Variants in NUCKS1 observed in about 807,000 individuals in gnomAD.
The protein encoded by NUCKS1 is nuclear ubiquitous casein and cyclin-dependent kinase substrate 1.
In NUCKS1, 2 loss-of-function variants were observed where a neutral mutation model predicts 33.0. The observed-to-expected ratio is 0.06, with a 90% CI of 0.02 to 0.19. The LOEUF is 0.19. NUCKS1 is among the 10% of genes least tolerant of loss of function. The probability of loss-of-function intolerance (pLI) is 1.00; values close to 1 mark genes in which losing one functional copy is unlikely to be tolerated. For missense variants in NUCKS1, 201 were observed against 293.6 expected (o/e 0.68, Z 2.31); for synonymous variants, 106 against 102.8 (o/e 1.03, Z -0.19).
Position 205,718,484 on chromosome 1 carries a change from A to T in NUCKS1, c.533-5T>A, listed in dbSNP as rs1323630929. The T allele has an allele frequency of 6.2e-7, 1 of 1,606,724 alleles. No homozygotes were observed. The highest frequency in any genetic ancestry group is 8.5e-7 in the Non-Finnish European group (1 of 1,178,284). On this transcript the variant is annotated splice_region_variant and splice_polypyrimidine_tract_variant and intron_variant, in intron 6 of 6. Coordinates refer to ENST00000367142, the MANE Select transcript of NUCKS1 (RefSeq NM_022731.5). ...CTTTCACTGGACTTGGCGTCACTGA[A>T]AATAGAAAAATAATTTGGGGAAGGG...
At chr1:205,746,642 GGA>G in intron 1 of NUCKS1, among the ~76,000 whole-genome samples, 1 of 152,194 alleles carries the variant, frequency 6.6e-6, no homozygotes, top group South Asian at 2.1e-4. Context: ...TTGTTTTGGG[GGA>G]GAGAATATTT....
chr1:205,735,240 T>C (rs1433728509), intron 1 of NUCKS1, among the ~76,000 whole-genome samples: 1 of 152,248 alleles, frequency 6.6e-6, no homozygotes, highest in Non-Finnish European at 1.5e-5. Flanking sequence ...ACTGTACTTT[T>C]TCTATGTTTA....
In NUCKS1 at chr1:205,713,251, A is replaced by C. The variant is rs1412271497; in HGVS notation, c.*5029T>G. ...TAAACAAAACAAAAAAAAAGTTTACAAAAGAAAAAAAGATACAGAAAAAGA... is the reference window on the plus strand; with the variant it reads ...TAAACAAAACAAAAAAAAAGTTTACCAAAGAAAAAAAGATACAGAAAAAGA... On this transcript the variant is annotated 3_prime_UTR_variant, in exon 7 of 7. Transcript: ENST00000367142. 6.6e-6 allele frequency: 1 copy of C among 152,144 alleles called. No homozygotes were observed. Among genetic ancestry groups the C allele is most frequent in the Non-Finnish European group, 1.5e-5 (1 of 68,034 alleles). 9.4% of individuals were successfully genotyped at this position (152,144 alleles called of 1,614,324 possible).
rs1654469181 is a variant in NUCKS1, at chr1:205,750,050, C to A, written c.-77G>T. On this transcript the variant is annotated 5_prime_UTR_variant, in exon 1 of 7. Transcript: ENST00000367142. ...CCACCCCGCGCGCTCGGCGCCCCAC[C>A]CCCCCCGAACTTCAGCCGATGGGAC... 5 of 1,256,316 alleles carry A rather than the reference C, an allele frequency of 4.0e-6. No homozygotes were observed. The highest frequency in any genetic ancestry group is 5.3e-6 in the Non-Finnish European group (5 of 947,718). The allele number at this position is 1,256,316 out of a possible 1,614,324, so 77.8% of individuals were successfully genotyped here.
chr1:205,744,967 T>TA (rs1296171431), intron 1 of NUCKS1, among the ~76,000 whole-genome samples: 1 of 152,098 alleles, frequency 6.6e-6, no homozygotes, highest in Non-Finnish European at 1.5e-5. Flanking sequence ...TTTACAGGAG[T>TA]ACTACCCTAA....
chr1:205,727,756 T>A lies in NUCKS1; in HGVS notation c.117A>T (p.Ser39=). ...DSGPPTKKIR[S]SPREAKNKRR... is the part of the protein sequence containing the mutation. Reference sequence around the variant, plus strand: ...TCTTATTTTTAGCTTCTCGGGGAGATGATCGAATTTTCTTAGTGGGAGGGC... The same window carrying A: ...TCTTATTTTTAGCTTCTCGGGGAGAAGATCGAATTTTCTTAGTGGGAGGGC... The change falls in exon 3 of 7, where the codon TCA becomes TCT. Residue 39 remains serine (S), a synonymous_variant. Transcript: ENST00000367142. 6.2e-7 allele frequency: 1 copy of A among 1,613,706 alleles called. No individual in the cohort carries two copies. Among genetic ancestry groups the A allele is most frequent in the Non-Finnish European group, 8.5e-7 (1 of 1,179,850 alleles).
Position 205,724,823 on chromosome 1 carries a change from T to G in NUCKS1, c.174-842A>C, listed in dbSNP as rs531469119. On this transcript the variant is annotated intron_variant, in intron 3 of 6. Coordinates refer to ENST00000367142, the MANE Select transcript of NUCKS1 (RefSeq NM_022731.5). The stretch of plus-strand genomic sequence containing the variant: ...CCCCTATTAATATTTCCTTCCAATA[T>G]TTCTTTGCATCAGAAACATCAACAT... 2.0e-5 allele frequency among the ~76,000 whole-genome samples: 3 copies of G among 152,310 alleles called. No homozygotes were observed. In the East Asian group the frequency reaches 5.8e-4, roughly 29 times the overall value.
chr1:205,744,005 T>G (rs929420504), intron 1 of NUCKS1, among the ~76,000 whole-genome samples: 64 of 152,202 alleles, frequency 4.2e-4, no homozygotes, highest in African/African-American at 1.4e-3. Context: ...ATGCCACCTT[T>G]TTCTCGGCAA....
In NUCKS1 at chr1:205,727,740, T is replaced by C; in HGVS notation, c.133A>G (p.Lys45Glu). 1 of 1,613,810 alleles carries C rather than the reference T, an allele frequency of 6.2e-7. No individual in the cohort carries two copies. Among genetic ancestry groups the C allele is most frequent in the Non-Finnish European group, 8.5e-7 (1 of 1,179,830 alleles). The stretch of plus-strand genomic sequence containing the variant: ...TTCTTTCCAGATCGCCTCTTATTTT[T>C]AGCTTCTCGGGGAGATGATCGAATT... ...KKIRSSPREA[K>E]NKRRSGKNSQ... is the part of the protein sequence containing the mutation. Residue 45 changes from lysine to glutamate, a missense_variant, in exon 3 of 7, where the codon AAA (lysine) becomes GAA (glutamate). Lys to Glu is a moderately conservative substitution (Grantham distance 56). Coordinates refer to ENST00000367142, the MANE Select transcript of NUCKS1 (RefSeq NM_022731.5).
chr1:205,731,413 TCAAA>T (rs1225539117), intron 1 of NUCKS1: 1 of 152,198 alleles, frequency 6.6e-6, no homozygotes, highest in African/African-American at 2.4e-5. Flanking sequence ...CTTTAACATC[TCAAA>T]CAAATCTTCA....
At chr1:205,719,838 G>C (rs996435798) in intron 5 of NUCKS1, 162 bp from the exon 6 acceptor site, 1 of 637,834 alleles carries the variant, frequency 1.6e-6, no homozygotes, top group Non-Finnish European at 2.5e-6. Context: ...GTCATCACTG[G>C]CCTCATTTGT....
chr1:205,737,855 G>A (rs942115954), intron 1 of NUCKS1, among the ~76,000 whole-genome samples: 3 of 152,100 alleles, frequency 2.0e-5, no homozygotes, highest in Non-Finnish European at 4.4e-5. Context: ...TGTCCAACCT[G>A]TGTTGTCAAA....
intron 1 of NUCKS1, among the ~76,000 whole-genome samples, chr1:205,745,202 T>G (rs1654287635): frequency 6.6e-6 from 1 of 152,232 alleles, no homozygotes; most frequent in African/African-American, 2.4e-5. Flanking sequence ...ATCTCTACAC[T>G]AACTCCTTGG....
intron 1 of NUCKS1, among the ~76,000 whole-genome samples, chr1:205,739,395 T>C (rs530414896): frequency 6.6e-6 from 1 of 152,232 alleles, no homozygotes; most frequent in Non-Finnish European, 1.5e-5. Flanking sequence ...GCCTCAAAGA[T>C]GATTAAGAAA....
intron 1 of NUCKS1, among the ~76,000 whole-genome samples, chr1:205,733,178 A>G (rs1653957629): frequency 6.6e-6 from 1 of 152,226 alleles, no homozygotes; most frequent in Admixed American, 6.5e-5. Flanking sequence ...ATTTCTGGGT[A>G]CGACGTAGCA....
chr1:205,718,103 AAGAG>A lies in NUCKS1; in HGVS notation c.*173_*176del, dbSNP rs1006263492. 55 of 1,124,746 alleles carry A rather than the reference AAGAG, an allele frequency of 4.9e-5. No homozygotes were observed. Among genetic ancestry groups the A allele is most frequent in the Middle Eastern group, 3.6e-4 (1 of 2,810 alleles). The allele number at this position is 1,124,746 out of a possible 1,614,324, so 69.7% of individuals were successfully genotyped here. Reference sequence around the variant, plus strand: ...TTTGCTTTAAAAAAAAAAAAAAAAAAAGAGAGAGAGAGAGAAATGTTACTTTCAA... The same window carrying A: ...TTTGCTTTAAAAAAAAAAAAAAAAAAAGAGAGAGAGAAATGTTACTTTCAA... On this transcript the variant is annotated 3_prime_UTR_variant, in exon 7 of 7. Coordinates refer to ENST00000367142, the MANE Select transcript of NUCKS1 (RefSeq NM_022731.5).
chr1:205,720,441 C>G, intron 5 of NUCKS1, 60 bp downstream of exon 5: 1 of 1,555,942 alleles, frequency 6.4e-7, no homozygotes, highest in Non-Finnish European at 8.7e-7. Context: ...CCAAAGTAAC[C>G]AAGGTCACAA....
Position 205,729,581 on chromosome 1 carries a change from C to T in NUCKS1, c.58G>A (p.Asp20Asn). 1 of 1,612,800 alleles carries T rather than the reference C, an allele frequency of 6.2e-7. No individual in the cohort carries two copies. The highest frequency in any genetic ancestry group is 8.5e-7 in the Non-Finnish European group (1 of 1,178,806). The change falls in exon 2 of 7, where the codon GAT becomes AAT. Residue 20 changes from aspartate (D) to asparagine (N), a missense_variant. By Grantham distance (23) the Asp-to-Asn change is conservative (BLOSUM62 1). Coordinates refer to ENST00000367142, the MANE Select transcript of NUCKS1 (RefSeq NM_022731.5). ...VVDYSQFQES[D>N]DADEDYGRDS... is the part of the protein sequence containing the mutation. The stretch of plus-strand genomic sequence containing the variant: ...AAACCACAAAACTTACCTGCATCAT[C>T]AGATTCCTGAAACTGTGAGTAATCA...
intron 5 of NUCKS1, 65 bp downstream of exon 5, chr1:205,720,436 G>A (rs1419028537): frequency 6.5e-7 from 1 of 1,547,602 alleles, no homozygotes. Context: ...AAATGCCAAA[G>A]TAACCAAGGT....
Sources: allele counts gnomAD v4.1 joint callset (sites outside exome capture counted in the v4.1 genomes callset), GRCh38; gene constraint gnomAD v4.1.1; transcripts MANE v1.5; gene names NCBI Gene and HGNC (gene_info 2026-07-23, HGNC 2026-07-21).